The following DGKB variants were observed in gnomAD, a reference collection of about 807,000 sequenced individuals.
DGKB encodes diacylglycerol kinase beta.
In DGKB, 67 loss-of-function variants were observed where a neutral mutation model predicts 114.3. The observed-to-expected ratio is 0.59, with a 90% CI of 0.48 to 0.72. DGKB has a LOEUF of 0.72. Ranked by LOEUF, DGKB falls within the 30% of genes least tolerant of loss-of-function variation. The probability of loss-of-function intolerance (pLI) is 0.00; values close to 1 mark genes in which losing one functional copy is unlikely to be tolerated. For missense variants in DGKB, 907 were observed against 975.2 expected (o/e 0.93, Z 0.93); for synonymous variants, 398 against 323.1 (o/e 1.23, Z -2.49).
At chr7:14,197,564 A>G (rs1562591689) in intron 23 of DGKB, among the ~76,000 whole-genome samples, 1 of 152,132 alleles carries the variant, frequency 6.6e-6, no homozygotes, top group Non-Finnish European at 1.5e-5. Context: ...ATACAGAAAT[A>G]TATTTAAGAT....
chr7:14,158,323 G>A (rs2128221388), intron 25 of DGKB, among the ~76,000 whole-genome samples: 1 of 152,284 alleles, frequency 6.6e-6, no homozygotes, highest in East Asian at 1.9e-4. Flanking sequence ...CCTTCTCCCT[G>A]TGGCACCTGG....
chr7:14,472,944 G>A (rs1021673770), intron 21 of DGKB, among the ~76,000 whole-genome samples: 2 of 152,148 alleles, frequency 1.3e-5, no homozygotes, highest in African/African-American at 4.8e-5. Context: ...AAGGCATTCA[G>A]TTTTATAAGG....
intron 2 of DGKB, among the ~76,000 whole-genome samples, chr7:14,815,904 C>T (rs1844075316): frequency 6.6e-6 from 1 of 152,206 alleles, no homozygotes; most frequent in Non-Finnish European, 1.5e-5. Context: ...TAAAATATAA[C>T]TGCTCAGGTG....
intron 23 of DGKB, among the ~76,000 whole-genome samples, chr7:14,206,703 T>G (rs1334644368): frequency 2.6e-5 from 4 of 152,080 alleles, no homozygotes; most frequent in Non-Finnish European, 5.9e-5. Context: ...AAAATAGGAA[T>G]AGTGTCGTAT....
chr7:14,927,660 A>C (rs1405483268), intron 1 of DGKB, among the ~76,000 whole-genome samples: 2 of 152,042 alleles, frequency 1.3e-5, no homozygotes, highest in African/African-American at 4.8e-5. Flanking sequence ...TATGAAGAAA[A>C]ATATACCTTT....
At chr7:14,853,913 T>A (rs1329034791) in intron 1 of DGKB, among the ~76,000 whole-genome samples, 2 of 151,518 alleles carry the variant, frequency 1.3e-5, no homozygotes, top group African/African-American at 4.8e-5. Context: ...AAATGGTAAT[T>A]GGTAGAAACC....
At chr7:14,857,419 T>C (rs1850341180) in intron 1 of DGKB, among the ~76,000 whole-genome samples, 1 of 152,096 alleles carries the variant, frequency 6.6e-6, no homozygotes. Context: ...GACACTTCGA[T>C]TTCAACCTTG....
intron 1 of DGKB, among the ~76,000 whole-genome samples, chr7:14,930,165 C>CA (rs1784933957): frequency 6.6e-6 from 1 of 152,064 alleles, no homozygotes; most frequent in Admixed American, 6.6e-5. Flanking sequence ...GTGATTCCTC[C>CA]AGCTTTGTTC....
intron 1 of DGKB, among the ~76,000 whole-genome samples, chr7:14,863,387 T>C (rs1446338771): frequency 1.3e-5 from 2 of 151,086 alleles, no homozygotes; most frequent in African/African-American, 4.9e-5. Flanking sequence ...AAGAAGGTAA[T>C]AATATTTATA....
chr7:14,365,724 AT>A (rs1816562260), intron 21 of DGKB, among the ~76,000 whole-genome samples: 1 of 152,066 alleles, frequency 6.6e-6, no homozygotes, highest in South Asian at 2.1e-4. Flanking sequence ...GTTTCCATGA[AT>A]GCAGAAATCT....
chr7:14,308,450 A>T (rs998081826), intron 23 of DGKB, among the ~76,000 whole-genome samples: 1 of 152,192 alleles, frequency 6.6e-6, no homozygotes, highest in African/African-American at 2.4e-5. Flanking sequence ...ATGGTATAAA[A>T]ACATGTTTAA....
At chr7:14,342,514 G>A (rs917496782) in intron 22 of DGKB, among the ~76,000 whole-genome samples, 1 of 151,730 alleles carries the variant, frequency 6.6e-6, no homozygotes, top group African/African-American at 2.4e-5. Flanking sequence ...GAAGATAAAT[G>A]AATATCTTTA....
chr7:14,359,982 ATAAATCATGC>A (rs111723454), intron 21 of DGKB, among the ~76,000 whole-genome samples: 1 of 152,196 alleles, frequency 6.6e-6, no homozygotes, highest in African/African-American at 2.4e-5. Context: ...CCAAAGGATT[ATAAATCATGC>A]TACGATAAAG....
At chr7:14,590,855 A>T (rs1801592176) in intron 17 of DGKB, among the ~76,000 whole-genome samples, 2 of 152,056 alleles carry the variant, frequency 1.3e-5, no homozygotes, top group Non-Finnish European at 2.9e-5. Context: ...TATTAAAAGT[A>T]GTATAGGTAT....
chr7:14,698,448 C>G (rs1178784550), intron 7 of DGKB, among the ~76,000 whole-genome samples: 1 of 152,092 alleles, frequency 6.6e-6, no homozygotes, highest in African/African-American at 2.4e-5. Context: ...AAGAGAGTGT[C>G]TGAAGAAAGC....
intron 1 of DGKB, among the ~76,000 whole-genome samples, chr7:14,970,958 C>A (rs1163914951): frequency 2.0e-5 from 3 of 152,116 alleles, no homozygotes; most frequent in African/African-American, 7.2e-5. Context: ...ATTCTTGAAC[C>A]ATTTTTTTGT....
chr7:14,550,627 A>G (rs552806492), intron 20 of DGKB, among the ~76,000 whole-genome samples: 207 of 152,272 alleles, frequency 1.4e-3, no homozygotes, highest in African/African-American at 4.8e-3. Flanking sequence ...TCTTTCTTTC[A>G]TGTGCTTTAT....
intron 16 of DGKB, among the ~76,000 whole-genome samples, chr7:14,611,649 G>A (rs1241151073): frequency 6.6e-6 from 1 of 151,860 alleles, no homozygotes; most frequent in African/African-American, 2.4e-5. Flanking sequence ...AGAAGAGCTC[G>A]AAGTTGAAGC....
At chr7:14,175,622 T>C (rs1460713096) in intron 25 of DGKB, among the ~76,000 whole-genome samples, 1 of 152,196 alleles carries the variant, frequency 6.6e-6, no homozygotes, top group Non-Finnish European at 1.5e-5. Flanking sequence ...CAATGTGAAC[T>C]TAAAAAAATG....
Sources: gnomAD v4.1 joint callset for allele counts (sites outside exome capture counted in the v4.1 genomes callset) on GRCh38, gnomAD v4.1.1 for gene constraint, MANE v1.5 for transcripts, NCBI Gene and HGNC (gene_info 2026-07-23, HGNC 2026-07-21) for gene names.